The following HTR2C variants were observed in gnomAD, a reference collection of about 807,000 sequenced individuals.
HTR2C encodes the protein 5-hydroxytryptamine (serotonin) receptor 2C, G protein-coupled.
A neutral mutation model predicts 21.0 loss-of-function variants in HTR2C; 5 were observed. The ratio of observed to expected loss-of-function variants is 0.24; its 90% confidence interval spans 0.12 to 0.50. The LOEUF (loss-of-function observed/expected upper bound fraction) is 0.50. Among genes scored for constraint, HTR2C ranks in the 20% least tolerant of loss-of-function variants. HTR2C has a pLI of 0.98. For synonymous variants in HTR2C, 150 were observed against 145.3 expected (o/e 1.03, Z -0.23); for missense variants, 271 against 371.2 (o/e 0.73, Z 2.22).
chrX:114,748,389 GT>G lies in HTR2C; in HGVS notation c.349+16789del, dbSNP rs782738015. 9.9e-5 allele frequency among the ~76,000 whole-genome samples: 11 copies of G among 111,400 alleles called. No individual in the cohort carries two copies. In the South Asian group the frequency reaches 4.1e-3, roughly 42 times the overall value. ...CAATTGCAACCAAAACTCTCAGCAG[GT>G]TTTTTTAATCAAAAAGCTGATCCTA... On this transcript the variant is annotated intron_variant, in intron 4 of 5. Transcript: ENST00000276198.
At chrX:114,861,822 A>G in intron 5 of HTR2C, among the ~76,000 whole-genome samples, 1 of 111,461 alleles carries the variant, frequency 9.0e-6, no homozygotes, top group Non-Finnish European at 1.9e-5. Flanking sequence ...TAATTTTTAA[A>G]CAGGATATTT....
intron 2 of HTR2C, among the ~76,000 whole-genome samples, chrX:114,692,533 G>C (rs1276339091): frequency 9.0e-6 from 1 of 110,987 alleles, no homozygotes; most frequent in African/African-American, 3.3e-5. Flanking sequence ...TGTGACTTCA[G>C]CATCATGAAC....
chrX:114,805,421 T>TTG (rs2070392729), intron 4 of HTR2C, among the ~76,000 whole-genome samples: 1 of 104,687 alleles, frequency 9.6e-6, no homozygotes, highest in Non-Finnish European at 2.0e-5. Context: ...TTTTTTTTTT[T>TTG]GCCATTTCCT....
intron 2 of HTR2C, among the ~76,000 whole-genome samples, chrX:114,634,753 G>A (rs782060373): frequency 3.6e-5 from 4 of 110,562 alleles, no homozygotes; most frequent in Admixed American, 9.7e-5. Flanking sequence ...TAGAGGTTGC[G>A]GTGAGCCGAG....
intron 4 of HTR2C, among the ~76,000 whole-genome samples, chrX:114,740,179 T>TTATA (rs200594709): frequency 9.4e-6 from 1 of 106,746 alleles, no homozygotes; most frequent in Non-Finnish European, 1.9e-5. Context: ...ATATACACAT[T>TTATA]TATATATATA....
At chrX:114,621,599 G>C (rs1176840144) in intron 2 of HTR2C, among the ~76,000 whole-genome samples, 1 of 112,017 alleles carries the variant, frequency 8.9e-6, no homozygotes, top group African/African-American at 3.2e-5. Context: ...GTAGAGGCTG[G>C]AGGGGAGGTA....
chrX:114,847,250 T>G (rs1171112838), intron 4 of HTR2C, among the ~76,000 whole-genome samples: 1 of 108,771 alleles, frequency 9.2e-6, no homozygotes, highest in Non-Finnish European at 1.9e-5. Context: ...TGGAATACTA[T>G]GCAGCCATAA....
intron 2 of HTR2C, among the ~76,000 whole-genome samples, chrX:114,703,919 T>C (rs1222475203): frequency 9.1e-6 from 1 of 109,721 alleles, no homozygotes; most frequent in African/African-American, 3.3e-5. Context: ...CATCAGAGAA[T>C]ACTACAAACA....
intron 4 of HTR2C, among the ~76,000 whole-genome samples, chrX:114,784,351 A>T (rs1168090593): frequency 8.9e-6 from 1 of 111,764 alleles, no homozygotes; most frequent in African/African-American, 3.3e-5. Flanking sequence ...AGACAAACAT[A>T]ACTTGACAAT....
chrX:114,795,636 T>G (rs1266013553), intron 4 of HTR2C, among the ~76,000 whole-genome samples: 1 of 111,719 alleles, frequency 9.0e-6, no homozygotes, highest in Non-Finnish European at 1.9e-5. Context: ...TTTCCCCATT[T>G]CTTGTTTTTG....
chrX:114,603,872 A>C (rs1392032645), intron 1 of HTR2C, among the ~76,000 whole-genome samples: 1 of 103,091 alleles, frequency 9.7e-6, no homozygotes, highest in Non-Finnish European at 2.0e-5. Context: ...GATAGGCAAA[A>C]CAATTTGGTT....
chrX:114,814,010 G>T (rs1175946753), intron 4 of HTR2C, among the ~76,000 whole-genome samples: 1 of 111,145 alleles, frequency 9.0e-6, no homozygotes, highest in Non-Finnish European at 1.9e-5. Context: ...GTGTGTGGAG[G>T]TTTAGAAAGG....
At chrX:114,774,365 A>G (rs781905540) in intron 4 of HTR2C, among the ~76,000 whole-genome samples, 1 of 111,426 alleles carries the variant, frequency 9.0e-6, no homozygotes, top group South Asian at 3.7e-4. Flanking sequence ...TAAATGGGAT[A>G]TTTTCCCAGC....
intron 4 of HTR2C, among the ~76,000 whole-genome samples, chrX:114,825,958 T>C (rs1484524938): frequency 1.8e-5 from 2 of 112,045 alleles, no homozygotes; most frequent in Non-Finnish European, 3.8e-5. Context: ...GTTATTAATA[T>C]AAAAATTCTA....
At chrX:114,859,251 T>G (rs1267718158) in intron 5 of HTR2C, among the ~76,000 whole-genome samples, 1 of 110,851 alleles carries the variant, frequency 9.0e-6, no homozygotes, top group Non-Finnish European at 1.9e-5. Context: ...TTAAAATGTT[T>G]GGAAGAATTA....
chrX:114,653,346 C>G (rs1930658713), intron 2 of HTR2C, among the ~76,000 whole-genome samples: 1 of 110,306 alleles, frequency 9.1e-6, no homozygotes, highest in African/African-American at 3.3e-5. Flanking sequence ...TAACCTTTTT[C>G]TTCCTGAGAA....
At chrX:114,825,169 T>C (rs1399042363) in intron 4 of HTR2C, among the ~76,000 whole-genome samples, 1 of 111,787 alleles carries the variant, frequency 8.9e-6, no homozygotes, top group Non-Finnish European at 1.9e-5. Flanking sequence ...GGTACTTGGA[T>C]TTCATTTTTC....
chrX:114,630,383 G>T (rs1196995125), intron 2 of HTR2C, among the ~76,000 whole-genome samples: 3 of 111,919 alleles, frequency 2.7e-5, no homozygotes, highest in African/African-American at 9.7e-5. Flanking sequence ...GTTGGTATTG[G>T]TGAGTGGGGA....
chrX:114,629,491 G>A lies in HTR2C; in HGVS notation c.-80+15610G>A, dbSNP rs1387972073. ...AAACTTCCCCATACAGGGAGGACAG[G>A]CAAGAAAGTAATGGGACATTTTATA... On this transcript the variant is annotated intron_variant, in intron 2 of 5. Transcript: ENST00000276198. 5.4e-5 allele frequency among the ~76,000 whole-genome samples: 6 copies of A among 111,740 alleles called. No individual in the cohort carries two copies. In the Admixed American group the frequency reaches 5.7e-4, roughly 11 times the overall value.
Sources: gnomAD v4.1 joint callset for allele counts (sites outside exome capture counted in the v4.1 genomes callset) on GRCh38, gnomAD v4.1.1 for gene constraint, MANE v1.5 for transcripts, NCBI Gene and HGNC (gene_info 2026-07-23, HGNC 2026-07-21) for gene names.